Variants in PTPMT1 observed in about 807,000 individuals in gnomAD.
PTPMT1 encodes phosphatidylglycerophosphatase and protein-tyrosine phosphatase 1.
Under a neutral mutation model 17.8 loss-of-function variants are expected in PTPMT1, and 12 were observed. The ratio of observed to expected loss-of-function variants is 0.67; its 90% CI spans 0.43 to 1.09. PTPMT1 has a LOEUF of 1.09. PTPMT1 is among the 50% of genes least tolerant of loss of function. The probability of loss-of-function intolerance (pLI) is 0.00; values close to 1 mark genes in which losing one functional copy is unlikely to be tolerated. For synonymous variants in PTPMT1, 132 were observed against 116.8 expected (o/e 1.13, Z -0.84); for missense variants, 262 against 266.0 (o/e 0.99, Z 0.10).
At chr11:47,570,022 C>A in intron 3 of PTPMT1, 131 bp downstream of exon 3, 5 of 690,344 alleles carry the variant, frequency 7.2e-6, no homozygotes, top group Non-Finnish European at 1.2e-5. Flanking sequence ...GCAAAACCGT[C>A]TCTACAAAAA....
intron 2 of PTPMT1, among the ~76,000 whole-genome samples, chr11:47,567,104 A>G (rs577726407): frequency 1.8e-4 from 28 of 152,138 alleles, no homozygotes; most frequent in Non-Finnish European, 3.1e-4. Context: ...AAACCTTGAA[A>G]ATATTTGTGA....
intron 2 of PTPMT1, among the ~76,000 whole-genome samples, chr11:47,568,806 T>G (rs1433786601): frequency 6.6e-6 from 1 of 152,132 alleles, no homozygotes; most frequent in Non-Finnish European, 1.5e-5. Flanking sequence ...TTCTCCTGCC[T>G]CAGCCTCCCT....
rs1302712370 is a variant in PTPMT1 at position 47,572,707 on chromosome 11, T to G, written c.*1078T>G. 2.6e-5 allele frequency: 15 copies of G among 569,380 alleles called. No individual in the cohort carries two copies. The highest frequency in any genetic ancestry group is 9.5e-5 in the Admixed American group (3 of 31,522). 35.3% of individuals were successfully genotyped at this position (569,380 alleles called of 1,614,324 possible). A position where few individuals can be genotyped will look rare whatever the true frequency, so the allele number is the denominator to read the frequency against. On this transcript the variant is annotated 3_prime_UTR_variant, in exon 4 of 4. Transcript: ENST00000326674. The stretch of plus-strand genomic sequence containing the variant: ...GGTGAGGCACAGGATGACTAGGGAA[T>G]GGCAGAGAACAGGCTGGCCTACTGT...
Position 47,571,577 on chromosome 11 carries a change from A to T in PTPMT1, c.554A>T (p.Gln185Leu). ...QLDVLKEFHKQITARATKDGT... is the reference protein window; with the variant it reads ...QLDVLKEFHKLITARATKDGT... ...GATGTTCTTAAAGAGTTCCACAAGC[A>T]GATTACTGCACGGGCAACAAAGGAT... Residue 185 changes from glutamine to leucine, a missense_variant, in exon 4 of 4, where the codon CAG becomes CTG. Gln to Leu is a moderately radical substitution (Grantham distance 113). Coordinates refer to ENST00000326674, the MANE Select transcript of PTPMT1 (RefSeq NM_175732.3). 1 of 1,614,052 alleles carries T rather than the reference A, an allele frequency of 6.2e-7. No homozygotes were observed. Among genetic ancestry groups the T allele is most frequent in the Non-Finnish European group, 8.5e-7 (1 of 1,180,026 alleles).
chr11:47,572,634 A>C lies in PTPMT1; in HGVS notation c.*1005A>C, dbSNP rs940149950. On this transcript the variant is annotated 3_prime_UTR_variant, in exon 4 of 4. Transcript: ENST00000326674. ...ATTTAACATTGATCAGGTAAAGAGG[A>C]GAGGCTGTGCCTAAGGTCTGAGAAA... The C allele has an allele frequency of 2.4e-6, 1 of 417,468 alleles. No individual in the cohort carries two copies. Among genetic ancestry groups the C allele is most frequent in the African/African-American group, 2.0e-5 (1 of 50,474 alleles). 25.9% of individuals were successfully genotyped at this position (417,468 alleles called of 1,614,324 possible).
intron 3 of PTPMT1, among the ~76,000 whole-genome samples, chr11:47,570,348 G>C (rs1351366551): frequency 1.3e-5 from 2 of 152,222 alleles, no homozygotes; most frequent in Non-Finnish European, 2.9e-5. Flanking sequence ...CCTGAGCCTT[G>C]TGACAGGGTA....
rs770334695 is a variant in PTPMT1, at chr11:47,573,417, A to G, written c.*1788A>G. ...CTCTAGCTGAGTTGTCTCTGTCCAC[A>G]CATTATCACCTACGCGATAATAAAT... is the stretch of plus-strand genomic sequence containing the variant. On this transcript the variant is annotated 3_prime_UTR_variant, in exon 4 of 4. Coordinates refer to ENST00000326674, the MANE Select transcript of PTPMT1 (RefSeq NM_175732.3). The surrounding 1 kb of genome is among the most constrained non-coding windows in gnomAD (Gnocchi z 4.1). The G allele has an allele frequency of 1.2e-6, 2 of 1,614,198 alleles. No individual in the cohort carries two copies. Among genetic ancestry groups the G allele is most frequent in the Non-Finnish European group, 1.7e-6 (2 of 1,180,024 alleles).
chr11:47,567,336 G>A (rs2153792914), intron 2 of PTPMT1, among the ~76,000 whole-genome samples: 2 of 151,702 alleles, frequency 1.3e-5, no homozygotes, highest in East Asian at 3.9e-4. Flanking sequence ...AACCCGGGAG[G>A]CAGAAGTTGC....
rs747537172 is a variant in PTPMT1, at chr11:47,573,329, C to A, written c.*1700C>A. On this transcript the variant is annotated 3_prime_UTR_variant, in exon 4 of 4. Coordinates refer to ENST00000326674, the MANE Select transcript of PTPMT1 (RefSeq NM_175732.3). The surrounding 1 kb of genome is among the most constrained non-coding windows in gnomAD (Gnocchi z 4.1). ...TGGTAAAGAAGTCCAGATCATTCTC[C>A]TCCCCCCCTAGTAAGTAGATGATCC... is the stretch of plus-strand genomic sequence containing the variant. 3.4e-5 allele frequency: 55 copies of A among 1,614,098 alleles called. No individual in the cohort carries two copies. Among genetic ancestry groups the A allele is most frequent in the Non-Finnish European group, 4.6e-5 (54 of 1,180,048 alleles).
At chr11:47,567,548 C>CTATTTCTT in intron 2 of PTPMT1, among the ~76,000 whole-genome samples, 1 of 146,788 alleles carries the variant, frequency 6.8e-6, no homozygotes, top group Admixed American at 6.9e-5. Context: ...GACCTTATTT[C>CTATTTCTT]TATTTCTTTT....
chr11:47,570,325 A>G (rs1225164679), intron 3 of PTPMT1, among the ~76,000 whole-genome samples: 7 of 152,054 alleles, frequency 4.6e-5, no homozygotes, highest in Non-Finnish European at 1.0e-4. Flanking sequence ...GTGGTTTGGT[A>G]TGATGGAAAG....
intron 2 of PTPMT1, 131 bp from the exon 3 acceptor site, chr11:47,569,569 C>A (rs777990531): frequency 1.7e-6 from 1 of 593,040 alleles, no homozygotes; most frequent in Non-Finnish European, 2.8e-6. Flanking sequence ...AGAAAACAGG[C>A]AACAGTGTAT....
At chr11:47,570,018 C>T in intron 3 of PTPMT1, 127 bp downstream of exon 3, 1 of 702,902 alleles carries the variant, frequency 1.4e-6, no homozygotes, top group Non-Finnish European at 2.4e-6. Context: ...CATGGCAAAA[C>T]CGTCTCTACA....
intron 2 of PTPMT1, among the ~76,000 whole-genome samples, chr11:47,566,856 A>G (rs1431427841): frequency 1.3e-5 from 2 of 152,204 alleles, no homozygotes; most frequent in East Asian, 1.9e-4. Flanking sequence ...AAGTTCTCTC[A>G]TAACAAAGTT....
chr11:47,567,279 G>A (rs1026345617), intron 2 of PTPMT1, among the ~76,000 whole-genome samples: 6 of 151,768 alleles, frequency 4.0e-5, no homozygotes, highest in African/African-American at 1.2e-4. Flanking sequence ...GGTGGCAGGC[G>A]CCTGTAATCC....
rs531030475 is a variant in PTPMT1, at chr11:47,571,894, A to C, written c.*265A>C. The C allele has an allele frequency of 1.2e-5, 4 of 321,198 alleles. No individual in the cohort carries two copies. Among genetic ancestry groups the C allele is most frequent in the Non-Finnish European group, 2.3e-5 (4 of 174,782 alleles). 19.9% of individuals were successfully genotyped at this position (321,198 alleles called of 1,614,324 possible). A position where few individuals can be genotyped will look rare whatever the true frequency, so the allele number is the denominator to read the frequency against. ...ATCTTTTCTTGAATAGGGCTAAAGAAGTATTTTAACAAAAATCTATTATGT... is the reference window on the plus strand; with the variant it reads ...ATCTTTTCTTGAATAGGGCTAAAGACGTATTTTAACAAAAATCTATTATGT... On this transcript the variant is annotated 3_prime_UTR_variant, in exon 4 of 4. Coordinates refer to ENST00000326674, the MANE Select transcript of PTPMT1 (RefSeq NM_175732.3).
In PTPMT1 at chr11:47,565,791, C is replaced by T. The variant is rs747880024; in HGVS notation, c.169C>T (p.Arg57Cys). The change falls in exon 1 of 4, where the codon CGC becomes TGC. Residue 57 changes from arginine (R) to cysteine (C), a missense_variant. Transcript: ENST00000326674. ...LGALPLRSLT[R>C]QLVQDENVRG... ...CGCGCTGCCGTTGCGGAGCTTGACG[C>T]GCCAGGTGAGCCGGGCCGGGGAGCC... The T allele has an allele frequency of 1.5e-5, 24 of 1,590,516 alleles. No individual in the cohort carries two copies. Among genetic ancestry groups the T allele is most frequent in the Non-Finnish European group, 2.0e-5 (23 of 1,169,672 alleles).
intron 3 of PTPMT1, 26 bp from the exon 4 acceptor site, chr11:47,571,442 TCTG>T (rs2097249615): frequency 6.2e-7 from 1 of 1,608,628 alleles, no homozygotes; most frequent in Non-Finnish European, 8.5e-7. Context: ...TCTTTCTTTC[TCTG>T]CTGATTTCCC....
In PTPMT1 at chr11:47,573,412, T is replaced by C; in HGVS notation, c.*1783T>C. ...GCCACCTCTAGCTGAGTTGTCTCTG[T>C]CCACACATTATCACCTACGCGATAA... On this transcript the variant is annotated 3_prime_UTR_variant, in exon 4 of 4. Transcript: ENST00000326674. This position sits in a 1 kb window ranked among gnomAD's most constrained non-coding sequence, Gnocchi z 4.1. 3.8e-5 allele frequency: 61 copies of C among 1,614,194 alleles called. No individual in the cohort carries two copies. The highest frequency in any genetic ancestry group is 5.1e-5 in the Non-Finnish European group (60 of 1,180,028).
Sources: gnomAD v4.1 joint callset for allele counts (sites outside exome capture counted in the v4.1 genomes callset) on GRCh38, gnomAD v4.1.1 for gene constraint, Gnocchi (gnomAD v3.1) non-coding constraint, MANE v1.5 for transcripts, NCBI Gene and HGNC (gene_info 2026-07-23, HGNC 2026-07-21) for gene names.